MAST1: variants seen among roughly 807,000 people sequenced by gnomAD.
The protein encoded by MAST1 is microtubule associated serine/threonine kinase 1, also known as microtubule-associated serine/threonine-protein kinase 1.
A neutral mutation model predicts 124.6 loss-of-function variants in MAST1; 40 were observed. The ratio of observed to expected loss-of-function variants is 0.32; its 90% CI spans 0.25 to 0.42. MAST1 has a LOEUF of 0.42. Ranked by LOEUF, MAST1 falls within the 10% of genes least tolerant of loss-of-function variation. The probability of loss-of-function intolerance (pLI) is 1.00; values close to 1 mark genes in which losing one functional copy is unlikely to be tolerated. For synonymous variants in MAST1, 938 were observed against 939.4 expected (o/e 1.00, Z 0.03); for missense variants, 1,558 against 2,181.9 (o/e 0.71, Z 5.70).
In MAST1 at chr19:12,841,674, G is replaced by C. The variant is rs1408731872; in HGVS notation, c.248+608G>C. The stretch of plus-strand genomic sequence containing the variant: ...GAACTCTATTCATTCTAAAAATGGT[G>C]TCTAAACACCTGCTATGTTCTTAGG... On this transcript the variant is annotated intron_variant, in intron 3 of 25. Coordinates refer to ENST00000251472, the MANE Select transcript of MAST1 (RefSeq NM_014975.3). This position sits in a 1 kb window ranked among gnomAD's most constrained non-coding sequence, Gnocchi z 4.3. Among the ~76,000 whole-genome samples the C allele has an allele frequency of 6.6e-6, 1 of 152,164 alleles. No homozygotes were observed. The highest frequency in any genetic ancestry group is 2.4e-5 in the African/African-American group (1 of 41,438).
chr19:12,849,018 C>T (rs1969930683), intron 7 of MAST1: 1 of 152,120 alleles, frequency 6.6e-6, no homozygotes, highest in South Asian at 2.1e-4. Context: ...ATTTATCACC[C>T]ACTTTCTCCT....
chr19:12,848,520 G>C (rs1018872463), intron 7 of MAST1: 5 of 163,364 alleles, frequency 3.1e-5, no homozygotes, highest in Admixed American at 1.7e-4. Context: ...CCAGCTACTC[G>C]GGAGGCTGAG....
chr19:12,865,886 A>G lies in MAST1; in HGVS notation c.1906+68A>G. 6.2e-7 allele frequency: 1 copy of G among 1,604,958 alleles called. No individual in the cohort carries two copies. The highest frequency in any genetic ancestry group is 8.5e-7 in the Non-Finnish European group (1 of 1,173,662). On this transcript the variant is annotated intron_variant, in intron 16 of 25. Coordinates refer to ENST00000251472, the MANE Select transcript of MAST1 (RefSeq NM_014975.3). The surrounding 1 kb of genome is among the most constrained non-coding windows in gnomAD (Gnocchi z 7.1). The stretch of plus-strand genomic sequence containing the variant: ...AGCAGGCCTCCAAAACCCCAGGCCC[A>G]GCCTGTGCTGTGGCCCCGGGGCGGA...
rs1305104445 is a variant in MAST1 at position 12,843,178 on chromosome 19, G to A, written c.249-351G>A. ...CTTTTTTCTCTGAGAAGATCCAAGG[G>A]TCTCCCTCAGAGCTTTCTCATGGAG... On this transcript the variant is annotated intron_variant, in intron 3 of 25. Coordinates refer to ENST00000251472, the MANE Select transcript of MAST1 (RefSeq NM_014975.3). The surrounding 1 kb of genome is among the most constrained non-coding windows in gnomAD (Gnocchi z 4.9). Among the ~76,000 whole-genome samples, 3 of 146,480 alleles carry A rather than the reference G, an allele frequency of 2.0e-5. No individual in the cohort carries two copies. The highest frequency in any genetic ancestry group is 7.6e-5 in the African/African-American group (3 of 39,322).
chr19:12,858,006 CAAAAAAAAAAAAAAAAAAA>C (rs539497049), intron 10 of MAST1, among the ~76,000 whole-genome samples: 1 of 49,420 alleles, frequency 2.0e-5, no homozygotes, highest in Non-Finnish European at 4.2e-5. Context: ...GAACCTATCT[CAAAAAAAAAAAAAAAAAAA>C]AAAAAAAAAA....
Position 12,866,084 on chromosome 19 carries a change from G to A in MAST1, c.2011G>A (p.Asp671Asn). ...CATCCCCCACCTAGAGTCGGAAGAT[G>A]ACACTAGCTACTTTGACAGTGAGCT... ...EFIPHLESED[D>N]TSYFDTRSDR... Residue 671 changes from aspartate to asparagine, a missense_variant, in exon 17 of 26, where the codon GAC becomes AAC. Asp to Asn is a conservative substitution (Grantham distance 23, BLOSUM62 1). Around this residue, in one of 10 missense-constraint regions of MAST1, gnomAD observed 145 missense variants for 350.0 expected, o/e 0.41. Transcript: ENST00000251472. The surrounding 1 kb of genome is among the most constrained non-coding windows in gnomAD (Gnocchi z 5.2). 6.2e-7 allele frequency: 1 copy of A among 1,614,102 alleles called. No individual in the cohort carries two copies. Among genetic ancestry groups the A allele is most frequent in the Non-Finnish European group, 8.5e-7 (1 of 1,180,036 alleles).
intron 1 of MAST1, 56 bp from the exon 2 acceptor site, chr19:12,840,390 C>A: frequency 1.7e-6 from 2 of 1,155,900 alleles, no homozygotes; most frequent in Non-Finnish European, 2.6e-6. Flanking sequence ...TGGTGGGGCT[C>A]AAGAACTCAC....
In MAST1 at chr19:12,871,047, G is replaced by A. The variant is rs745434363; in HGVS notation, c.3138G>A (p.Lys1046=). 3.4e-5 allele frequency: 55 copies of A among 1,614,074 alleles called. No homozygotes were observed. The highest frequency in any genetic ancestry group is 4.6e-5 in the Non-Finnish European group (54 of 1,180,040). ...CATTCTTCCCCCAGAGTGGCAACAAGGTAGCAGTGACCACAACGCCCTTCG... is the reference window on the plus strand; with the variant it reads ...CATTCTTCCCCCAGAGTGGCAACAAAGTAGCAGTGACCACAACGCCCTTCG... ...VVELILKSGN[K]VAVTTTPFEN... Residue 1046 remains lysine, a synonymous_variant, in exon 24 of 26, where the codon AAG becomes AAA. Coordinates refer to ENST00000251472, the MANE Select transcript of MAST1 (RefSeq NM_014975.3).
rs925904823 is a variant in MAST1, at chr19:12,843,986, A to C, written c.327+379A>C. Among the ~76,000 whole-genome samples, 1 of 152,166 alleles carries C rather than the reference A, an allele frequency of 6.6e-6. No homozygotes were observed. Among genetic ancestry groups the C allele is most frequent in the Non-Finnish European group, 1.5e-5 (1 of 68,008 alleles). On this transcript the variant is annotated intron_variant, in intron 4 of 25. Transcript: ENST00000251472. The surrounding 1 kb of genome is among the most constrained non-coding windows in gnomAD (Gnocchi z 4.9). ...TGCAGCATTCCAGTCTGGATGACAGAGTGAGACCCTGTCTCAAAAGAAAAA... is the reference window on the plus strand; with the variant it reads ...TGCAGCATTCCAGTCTGGATGACAGCGTGAGACCCTGTCTCAAAAGAAAAA...
chr19:12,842,397 A>G (rs1969841957), intron 3 of MAST1, among the ~76,000 whole-genome samples: 2 of 151,330 alleles, frequency 1.3e-5, no homozygotes, highest in African/African-American at 4.9e-5. Context: ...GGTTCAAGCG[A>G]TTCTCCTGCC....
rs770208696 is a variant in MAST1 at position 12,867,835 on chromosome 19, C to A, written c.2424C>A (p.Ser808Arg). 1.3e-6 allele frequency: 2 copies of A among 1,599,346 alleles called. No individual in the cohort carries two copies. The highest frequency in any genetic ancestry group is 1.7e-5 in the Admixed American group (1 of 57,376). ...FSALLEPSRFSAPQEDEDEAR... is the reference protein window; with the variant it reads ...FSALLEPSRFRAPQEDEDEAR... ...CGCTGCTGGAGCCCAGCCGCTTCAGCGCCCCCCAAGAGGACGAGGATGAGG... is the reference window on the plus strand; with the variant it reads ...CGCTGCTGGAGCCCAGCCGCTTCAGAGCCCCCCAAGAGGACGAGGATGAGG... Residue 808 changes from serine (S) to arginine (R), a missense_variant, in exon 20 of 26, where the codon AGC (serine) becomes AGA (arginine). By Grantham distance (110) the Ser-to-Arg change is moderately radical. This residue lies in a region of MAST1 where 287 missense variants were observed against 308.0 expected (regional missense o/e 0.93). Transcript: ENST00000251472.
At chr19:12,860,735 T>C (rs1970070849) in intron 12 of MAST1, among the ~76,000 whole-genome samples, 1 of 151,752 alleles carries the variant, frequency 6.6e-6, no homozygotes, top group African/African-American at 2.4e-5. Context: ...GCGTGAGCCA[T>C]AGCTTGCGGC....
At chr19:12,873,534 G>A (rs1249465473) in intron 25 of MAST1, 23 bp downstream of exon 25, 2 of 1,592,856 alleles carry the variant, frequency 1.3e-6, no homozygotes, top group Non-Finnish European at 1.7e-6. Context: ...GCACCTGCGC[G>A]GGGACCGAGC....
Position 12,873,621 on chromosome 19 carries a change from A to G in MAST1, c.3464A>G (p.Gln1155Arg). The G allele has an allele frequency of 3.8e-6, 6 of 1,588,148 alleles. No individual in the cohort carries two copies. The highest frequency in any genetic ancestry group is 5.1e-6 in the Non-Finnish European group (6 of 1,169,644). ...PDSAYLGASS[Q>R]SSSPASSTPN... ...CTGTCTCCCGCAGGCGCCTCATCCC[A>G]GAGCAGCTCCCCAGCCTCGAGCACG... Residue 1155 changes from glutamine to arginine, a missense_variant, in exon 26 of 26, where the codon CAG becomes CGG. Gln to Arg is a conservative substitution (Grantham distance 43). Coordinates refer to ENST00000251472, the MANE Select transcript of MAST1 (RefSeq NM_014975.3).
intron 10 of MAST1, among the ~76,000 whole-genome samples, chr19:12,852,891 T>C (rs1969980011): frequency 6.6e-6 from 1 of 152,088 alleles, no homozygotes; most frequent in African/African-American, 2.4e-5. Context: ...TCTTCCCCTG[T>C]GACCTCTTTG....
At chr19:12,867,351 T>G in intron 18 of MAST1, 123 bp from the exon 19 acceptor site, 1 of 1,093,990 alleles carries the variant, frequency 9.1e-7, no homozygotes, top group Non-Finnish European at 1.4e-6. Flanking sequence ...TCATGCACAA[T>G]TGGGCGGAGC....
rs1969791755 is a variant in MAST1 at position 12,838,830 on chromosome 19, C to G, written c.83+175C>G. On this transcript the variant is annotated intron_variant, in intron 1 of 25. Transcript: ENST00000251472. This position sits in a 1 kb window ranked among gnomAD's most constrained non-coding sequence, Gnocchi z 4.3. ...GAATGGGGGGTGGTGTGGGCCGAGT[C>G]TGGGGGGCTTGCACGCTGGAGAGGA... 6.7e-6 allele frequency among the ~76,000 whole-genome samples: 1 copy of G among 148,864 alleles called. No individual in the cohort carries two copies. The highest frequency in any genetic ancestry group is 2.5e-5 in the African/African-American group (1 of 40,352).
intron 7 of MAST1, chr19:12,848,881 C>T (rs1280461136): frequency 6.6e-6 from 1 of 151,968 alleles, no homozygotes; most frequent in Non-Finnish European, 1.5e-5. Flanking sequence ...TCGCTTGAAC[C>T]TGGGAGTCGG....
Position 12,874,742 on chromosome 19 carries a change from C to T in MAST1, c.4585C>T (p.Pro1529Ser). The change falls in exon 26 of 26, where the codon CCC (proline) becomes TCC (serine). Residue 1529 changes from proline to serine, a missense_variant. Pro to Ser is a moderately conservative substitution (Grantham distance 74, BLOSUM62 -1). Transcript: ENST00000251472. This position sits in a 1 kb window ranked among gnomAD's most constrained non-coding sequence, Gnocchi z 6.6. Reference protein sequence around the residue: ...APSSAVTPVPPASLLGSGTKP... With the variant: ...APSSAVTPVPSASLLGSGTKP... Reference sequence around the variant, plus strand: ...CAGCAGTGCAGTGACCCCAGTCCCACCCGCATCCCTCTTGGGCTCAGGCAC... The same window carrying T: ...CAGCAGTGCAGTGACCCCAGTCCCATCCGCATCCCTCTTGGGCTCAGGCAC... 6.2e-7 allele frequency: 1 copy of T among 1,602,682 alleles called. No homozygotes were observed. The highest frequency in any genetic ancestry group is 8.5e-7 in the Non-Finnish European group (1 of 1,171,456).
Sources: allele counts gnomAD v4.1 joint callset (sites outside exome capture counted in the v4.1 genomes callset), GRCh38; gene constraint gnomAD v4.1.1; regional missense constraint gnomAD v4.1.1; non-coding constraint Gnocchi (gnomAD v3.1); transcripts MANE v1.5; gene names NCBI Gene and HGNC (gene_info 2026-07-23, HGNC 2026-07-21).